The following RAB7B variants were observed in gnomAD, a reference collection of about 807,000 sequenced individuals.
The protein encoded by RAB7B is RAB7B, member RAS oncogene family.
chr1:206,001,576 T>C (rs1660891331), intron 1 of RAB7B, among the ~76,000 whole-genome samples: 1 of 152,218 alleles, frequency 6.6e-6, no homozygotes, highest in East Asian at 1.9e-4. Flanking sequence ...GAGGCTAGGC[T>C]GAGTCATCCT....
chr1:205,978,707 G>A lies in RAB7B; in HGVS notation c.*144C>T. ...CTCTGGGCCCAGCACCAGGGTCAAG[G>A]GCTCTGCCGCAGAGCTTAGGCCCCC... On this transcript the variant is annotated 3_prime_UTR_variant, in exon 6 of 6. Transcript: ENST00000617070. 1 of 394,110 alleles carries A rather than the reference G, an allele frequency of 2.5e-6. No homozygotes were observed. Among genetic ancestry groups the A allele is most frequent in the Non-Finnish European group, 4.5e-6 (1 of 223,628 alleles). The allele number at this position is 394,110 out of a possible 1,614,324, so 24.4% of individuals were successfully genotyped here. A position where few individuals can be genotyped will look rare whatever the true frequency, so the allele number is the denominator to read the frequency against.
intron 4 of RAB7B, among the ~76,000 whole-genome samples, chr1:205,988,338 C>G (rs1660652348): frequency 6.6e-6 from 1 of 151,428 alleles, no homozygotes; most frequent in Admixed American, 6.6e-5. Flanking sequence ...AAGCGATCCT[C>G]CCAGCTCAGC....
intron 4 of RAB7B, among the ~76,000 whole-genome samples, chr1:205,986,881 G>A (rs1472159320): frequency 1.3e-5 from 2 of 152,032 alleles, no homozygotes; most frequent in South Asian, 2.1e-4. Flanking sequence ...ATCAAACACT[G>A]CCCCTGTTTA....
In RAB7B at chr1:205,985,667, T is replaced by C. The variant is rs1660579617; in HGVS notation, c.397-2A>G. ...GCCTTGAGCTACTTCCTGGGGTACC[T>C]GAATGAGGGAAAGAAATAGGCGTGG... On this transcript the variant is annotated splice_acceptor_variant, in intron 4 of 5. Coordinates refer to ENST00000617070, the MANE Select transcript of RAB7B (RefSeq NM_001164522.3). LOFTEE classifies it high-confidence loss of function. 1 of 398,870 alleles carries C rather than the reference T, an allele frequency of 2.5e-6. No homozygotes were observed. The highest frequency in any genetic ancestry group is 4.4e-6 in the Non-Finnish European group (1 of 226,208). The allele number at this position is 398,870 out of a possible 1,614,324, so 24.7% of individuals were successfully genotyped here.
At chr1:205,998,029 G>A (rs2102643479) in intron 1 of RAB7B, among the ~76,000 whole-genome samples, 1 of 152,294 alleles carries the variant, frequency 6.6e-6, no homozygotes, top group African/African-American at 2.4e-5. Context: ...CCTGCACAGG[G>A]AGTAAATGGA....
chr1:205,994,752 G>T (rs1660781796), intron 1 of RAB7B, among the ~76,000 whole-genome samples: 1 of 152,200 alleles, frequency 6.6e-6, no homozygotes, highest in Non-Finnish European at 1.5e-5. Context: ...TTGTCCTAAA[G>T]AAATTATCCG....
At chr1:205,985,939 C>G (rs939336533) in intron 4 of RAB7B, among the ~76,000 whole-genome samples, 4 of 150,738 alleles carry the variant, frequency 2.7e-5, no homozygotes, top group Non-Finnish European at 5.9e-5. Context: ...GATGAAAAAA[C>G]GGAGGCCTGG....
chr1:205,985,338 G>A (rs951884605), intron 5 of RAB7B, among the ~76,000 whole-genome samples: 4,333 of 152,252 alleles, frequency 0.028, 93 homozygotes, highest in Non-Finnish European at 0.043. Context: ...CATGCTCTAA[G>A]GTAGCTTTCT....
chr1:205,992,835 C>T (rs1474567964), intron 3 of RAB7B, 140 bp from the exon 4 acceptor site: 15 of 396,972 alleles, frequency 3.8e-5, no homozygotes, highest in South Asian at 1.4e-4. Context: ...TCTTTCACAC[C>T]GTGGCACGTT....
At chr1:205,995,311 C>G (rs1660792212) in intron 1 of RAB7B, among the ~76,000 whole-genome samples, 2 of 151,788 alleles carry the variant, frequency 1.3e-5, no homozygotes, top group African/African-American at 4.8e-5. Context: ...CAATACCACC[C>G]AACACTTAAA....
chr1:205,979,691 C>A (rs990662225), intron 5 of RAB7B, among the ~76,000 whole-genome samples: 2,353 of 152,298 alleles, frequency 0.015, 45 homozygotes, highest in African/African-American at 0.054. Flanking sequence ...AGAGCTCAAT[C>A]GCGTTCATGT....
Position 205,985,309 on chromosome 1 carries a change from A to G in RAB7B, c.522+231T>C, listed in dbSNP as rs1027357726. ...ACGAGGGATTTGGTTAGTTAGCTGGATTGACAGACCACTGACTGCATGCTC... is the reference window on the plus strand; with the variant it reads ...ACGAGGGATTTGGTTAGTTAGCTGGGTTGACAGACCACTGACTGCATGCTC... On this transcript the variant is annotated intron_variant, in intron 5 of 5. Transcript: ENST00000617070. Among the ~76,000 whole-genome samples the G allele has an allele frequency of 9.2e-3, 1,408 of 152,234 alleles. 28 individuals are homozygous for G. The highest frequency in any genetic ancestry group is 0.031 in the African/African-American group (1,299 of 41,538).
At position 205,985,622 on chromosome 1, in the gene RAB7B, A is replaced by G. The variant is rs1344097531; in HGVS notation, c.440T>C (p.Ile147Thr). The change falls in exon 5 of 6, where the codon ATT becomes ACT. Residue 147 changes from isoleucine (I) to threonine (T), a missense_variant. Transcript: ENST00000617070. ...VAQGWCREKD[I>T]PYFEVSAKND... ...CTTGGCACTGACTTCAAAGTAAGGA[A>G]TATCTTTCTCTCTACACCAGCCTTG... is the stretch of plus-strand genomic sequence containing the variant. 2.5e-6 allele frequency: 1 copy of G among 399,082 alleles called. No individual in the cohort carries two copies. The highest frequency in any genetic ancestry group is 2.1e-5 in the African/African-American group (1 of 48,618). The allele number at this position is 399,082 out of a possible 1,614,324, so 24.7% of individuals were successfully genotyped here.
intron 4 of RAB7B, among the ~76,000 whole-genome samples, chr1:205,990,851 G>A (rs961562710): frequency 4.8e-5 from 7 of 145,056 alleles, no homozygotes; most frequent in Non-Finnish European, 7.4e-5. Context: ...GCAGTGGTGC[G>A]ATCGCGGCTC....
At chr1:205,989,414 G>A (rs995483998) in intron 4 of RAB7B, among the ~76,000 whole-genome samples, 39 of 151,986 alleles carry the variant, frequency 2.6e-4, no homozygotes, top group African/African-American at 8.4e-4. Context: ...GTCACCACCC[G>A]CCCTCCTCAC....
At chr1:205,983,148 C>T (rs1660525770) in intron 5 of RAB7B, among the ~76,000 whole-genome samples, 2 of 152,302 alleles carry the variant, frequency 1.3e-5, no homozygotes, top group South Asian at 4.1e-4. Context: ...GGCTTCATCA[C>T]TAACTATGTC....
rs1660737584 is a variant in RAB7B, at chr1:205,992,515, A to C, written c.361T>G (p.Leu121Val). ...GCCAGATCGATCTTGTTCCCCAACA[A>C]CACCATGGGGTAGGACTGCTCCATG... ...VPMEQSYPMV[L>V]LGNKIDLADR... The change falls in exon 4 of 6, where the codon TTG (leucine) becomes GTG (valine). Residue 121 changes from leucine to valine, a missense_variant. Coordinates refer to ENST00000617070, the MANE Select transcript of RAB7B (RefSeq NM_001164522.3). 1 of 398,530 alleles carries C rather than the reference A, an allele frequency of 2.5e-6. No individual in the cohort carries two copies. The highest frequency in any genetic ancestry group is 4.4e-6 in the Non-Finnish European group (1 of 226,076). 24.7% of individuals were successfully genotyped at this position (398,530 alleles called of 1,614,324 possible). A position where few individuals can be genotyped will look rare whatever the true frequency, so the allele number is the denominator to read the frequency against.
At chr1:205,998,642 A>C (rs1182884890) in intron 1 of RAB7B, among the ~76,000 whole-genome samples, 2 of 152,216 alleles carry the variant, frequency 1.3e-5, no homozygotes, top group African/African-American at 4.8e-5. Flanking sequence ...GCAGAGGGCA[A>C]TGCTTTCACA....
At chr1:205,990,938 C>T (rs1660711442) in intron 4 of RAB7B, among the ~76,000 whole-genome samples, 1 of 151,980 alleles carries the variant, frequency 6.6e-6, no homozygotes, top group African/African-American at 2.4e-5. Context: ...CAGATGCCCA[C>T]CACCACGTAT....
Sources: gnomAD v4.1 joint callset for allele counts (sites outside exome capture counted in the v4.1 genomes callset) on GRCh38, gnomAD v4.1.1 for gene constraint, MANE v1.5 for transcripts, NCBI Gene and HGNC (gene_info 2026-07-23, HGNC 2026-07-21) for gene names.